The following GLRA3 variants were observed in gnomAD, a reference collection of about 807,000 sequenced individuals.
The protein encoded by GLRA3 is glycine receptor alpha 3, also known as glycine receptor subunit alpha-3.
GLRA3 carries 44 observed loss-of-function variants against 60.4 expected under a neutral mutation model. The ratio of observed to expected loss-of-function variants is 0.73; its 90% CI spans 0.57 to 0.94. The LOEUF (loss-of-function observed/expected upper bound fraction) is 0.94, where lower values mean the gene tolerates loss of function less well. Ranked by LOEUF, GLRA3 falls within the 40% of genes least tolerant of loss-of-function variation. The pLI, the probability that GLRA3 is intolerant of heterozygous loss-of-function variation, is 0.00. For synonymous variants in GLRA3, 223 were observed against 192.9 expected, an observed-to-expected ratio of 1.16 and a Z score of -1.29; for missense variants, 508 against 564.6, an observed-to-expected ratio of 0.90 and a Z score of 1.02.
intron 4 of GLRA3, among the ~76,000 whole-genome samples, chr4:174,726,481 C>G (rs1363353883): frequency 6.6e-6 from 1 of 152,164 alleles, no homozygotes; most frequent in Non-Finnish European, 1.5e-5. Flanking sequence ...TTCTGTCTTG[C>G]TAGGCTTCCC....
intron 7 of GLRA3, among the ~76,000 whole-genome samples, chr4:174,670,264 G>C (rs142195651): frequency 6.6e-6 from 1 of 152,026 alleles, no homozygotes; most frequent in African/African-American, 2.4e-5. Flanking sequence ...AAGGTTTTGT[G>C]CTTCTATAGC....
At chr4:174,644,922 CAA>C (rs1483919578) in intron 9 of GLRA3, among the ~76,000 whole-genome samples, 2 of 148,660 alleles carry the variant, frequency 1.3e-5, no homozygotes, top group Admixed American at 1.3e-4. Context: ...TATTTAATAA[CAA>C]TGCAAATTAT....
intron 5 of GLRA3, among the ~76,000 whole-genome samples, chr4:174,684,238 T>C (rs1734467318): frequency 6.6e-6 from 1 of 152,024 alleles, no homozygotes. Context: ...AAGGATTCTC[T>C]TTTTCCCCCT....
At chr4:174,784,325 G>A (rs188664858) in intron 2 of GLRA3, among the ~76,000 whole-genome samples, 2,160 of 138,866 alleles carry the variant, frequency 0.016, 62 homozygotes, top group African/African-American at 0.055. Flanking sequence ...TGTGGGGTGC[G>A]GGGAGGGGGG....
chr4:174,715,882 A>G (rs932321362), intron 4 of GLRA3, among the ~76,000 whole-genome samples: 1 of 152,120 alleles, frequency 6.6e-6, no homozygotes, highest in Non-Finnish European at 1.5e-5. Flanking sequence ...TCATATTTAT[A>G]TATCTATATG....
rs1579375352 is a variant in GLRA3, at chr4:174,642,538, C to A, written c.*1248G>T. 2.0e-6 allele frequency: 2 copies of A among 976,598 alleles called. No homozygotes were observed. Among genetic ancestry groups the A allele is most frequent in the South Asian group, 9.5e-5 (2 of 21,096 alleles). The allele number at this position is 976,598 out of a possible 1,614,324, so 60.5% of individuals were successfully genotyped here. ...CATACATTTGCACCCAATTACACTG[C>A]AAAAAACAAGTTACTAATGCTCTGT... On this transcript the variant is annotated 3_prime_UTR_variant, in exon 10 of 10. Coordinates refer to ENST00000274093, the MANE Select transcript of GLRA3 (RefSeq NM_006529.4).
intron 5 of GLRA3, among the ~76,000 whole-genome samples, chr4:174,686,105 G>A (rs1405031753): frequency 6.6e-6 from 1 of 151,976 alleles, no homozygotes; most frequent in Non-Finnish European, 1.5e-5. Context: ...ACTTCACTAT[G>A]GTTCAAAAAA....
intron 2 of GLRA3, among the ~76,000 whole-genome samples, chr4:174,777,162 CA>C (rs1312363406): frequency 6.6e-6 from 1 of 151,732 alleles, no homozygotes; most frequent in Non-Finnish European, 1.5e-5. Flanking sequence ...CAGAGATAGG[CA>C]GAAAAAAATA....
In GLRA3 at chr4:174,673,246, AG is replaced by A. The variant is rs1733978742; in HGVS notation, c.927+3831del. On this transcript the variant is annotated intron_variant, in intron 7 of 9. Transcript: ENST00000274093. ...CTAATGTGGATTCCTTCTAGTACTC[AG>A]AGTTTACAAATTAAAATTATATTTT... is the stretch of plus-strand genomic sequence containing the variant. Among the ~76,000 whole-genome samples, 3 of 152,320 alleles carry A rather than the reference AG, an allele frequency of 2.0e-5. No homozygotes were observed. In the South Asian group the frequency reaches 6.2e-4, roughly 32 times the overall value.
rs1561060529 is a variant in GLRA3 at position 174,694,512 on chromosome 4, C to T, written c.575-11573G>A. On this transcript the variant is annotated intron_variant, in intron 5 of 9. Coordinates refer to ENST00000274093, the MANE Select transcript of GLRA3 (RefSeq NM_006529.4). ...TTTGGGGTAAATAATAAAATTAAGG[C>T]AGAAATAAAGTTATTTGAAAACAAT... Among the ~76,000 whole-genome samples the T allele has an allele frequency of 5.9e-5, 9 of 152,000 alleles. No individual in the cohort carries two copies. In the South Asian group the frequency reaches 8.3e-4, roughly 14 times the overall value.
At chr4:174,816,237 A>T (rs1324580652) in intron 1 of GLRA3, among the ~76,000 whole-genome samples, 1 of 152,158 alleles carries the variant, frequency 6.6e-6, no homozygotes, top group Non-Finnish European at 1.5e-5. Flanking sequence ...TCCATAGCTC[A>T]GTCTTCAGTG....
chr4:174,733,260 A>G (rs897710089), intron 3 of GLRA3, among the ~76,000 whole-genome samples: 1 of 152,202 alleles, frequency 6.6e-6, no homozygotes, highest in Non-Finnish European at 1.5e-5. Context: ...ACAGCCCTGT[A>G]GACACCTTGA....
At chr4:174,824,309 T>C (rs960013597) in intron 1 of GLRA3, among the ~76,000 whole-genome samples, 1 of 152,220 alleles carries the variant, frequency 6.6e-6, no homozygotes, top group Non-Finnish European at 1.5e-5. Flanking sequence ...GTGTCATTGT[T>C]TCTTTACATA....
At chr4:174,740,829 T>C (rs959287113) in intron 3 of GLRA3, among the ~76,000 whole-genome samples, 1 of 152,200 alleles carries the variant, frequency 6.6e-6, no homozygotes, top group Non-Finnish European at 1.5e-5. Context: ...TTTTGCCTTT[T>C]CTAGAATGTT....
intron 1 of GLRA3, among the ~76,000 whole-genome samples, chr4:174,820,895 A>C (rs10033175): frequency 0.74 from 112,763 of 151,958 alleles, 42,330 homozygotes; most frequent in Non-Finnish European, 0.8. Flanking sequence ...CAGTTAGCTG[A>C]CAATCATTTT....
At chr4:174,790,149 G>T (rs1025405980) in intron 1 of GLRA3, among the ~76,000 whole-genome samples, 11 of 152,094 alleles carry the variant, frequency 7.2e-5, no homozygotes, top group African/African-American at 2.7e-4. Context: ...ATTAGCTGTT[G>T]CCCTGTTCTA....
intron 3 of GLRA3, among the ~76,000 whole-genome samples, chr4:174,763,528 G>A (rs938065866): frequency 2.6e-5 from 4 of 152,268 alleles, no homozygotes; most frequent in Non-Finnish European, 4.4e-5. Flanking sequence ...TGGTTTTTGC[G>A]TATATTTCCA....
In GLRA3 at chr4:174,642,860, A is replaced by G. The variant is rs1732661782; in HGVS notation, c.*926T>C. The G allele has an allele frequency of 1.4e-6, 1 of 710,378 alleles. No individual in the cohort carries two copies. Among genetic ancestry groups the G allele is most frequent in the Non-Finnish European group, 1.7e-6 (1 of 580,196 alleles). The allele number at this position is 710,378 out of a possible 1,614,324, so 44.0% of individuals were successfully genotyped here. A position where few individuals can be genotyped will look rare whatever the true frequency, so the allele number is the denominator to read the frequency against. ...TATTCATTTTTATCAAAATGTAAAT[A>G]CTTTAATCCCATTGAATTTTAAAGT... On this transcript the variant is annotated 3_prime_UTR_variant, in exon 10 of 10. Transcript: ENST00000274093.
chr4:174,700,208 T>C (rs1303560840), intron 5 of GLRA3, among the ~76,000 whole-genome samples: 1 of 152,208 alleles, frequency 6.6e-6, no homozygotes, highest in Non-Finnish European at 1.5e-5. Flanking sequence ...ACTGCAGGCA[T>C]AGCTTGTTTT....
Sources: allele counts gnomAD v4.1 joint callset (sites outside exome capture counted in the v4.1 genomes callset), GRCh38; gene constraint gnomAD v4.1.1; transcripts MANE v1.5; gene names NCBI Gene and HGNC (gene_info 2026-07-23, HGNC 2026-07-21).